Variants in CSNK1G3 observed in about 807,000 individuals in gnomAD.
The protein encoded by CSNK1G3 is casein kinase I isoform gamma-3.
Under a neutral mutation model 64.3 loss-of-function variants are expected in CSNK1G3, and 23 were observed. The ratio of observed to expected loss-of-function variants is 0.36; its 90% CI spans 0.26 to 0.51. The LOEUF is 0.51. CSNK1G3 is among the 20% of genes least tolerant of loss of function. The pLI is 0.96. For missense variants in CSNK1G3, 357 were observed against 510.5 expected (o/e 0.70, Z 2.90); for synonymous variants, 158 against 162.2 (o/e 0.97, Z 0.20).
chr5:123,519,349 G>A (rs915778259), intron 1 of CSNK1G3, among the ~76,000 whole-genome samples: 165 of 152,302 alleles, frequency 1.1e-3, no homozygotes, highest in Non-Finnish European at 1.5e-4. Context: ...CACTGTGCCC[G>A]GCTGGGTCTG....
At chr5:123,591,024 G>A (rs1561588960) in intron 9 of CSNK1G3, among the ~76,000 whole-genome samples, 2 of 151,894 alleles carry the variant, frequency 1.3e-5, no homozygotes, top group Admixed American at 6.6e-5. Context: ...TTTTTATCAT[G>A]TTGATATGAA....
chr5:123,588,043 A>C, intron 6 of CSNK1G3, 25 bp from the exon 7 acceptor site: 1 of 1,429,806 alleles, frequency 7.0e-7, no homozygotes, highest in South Asian at 1.3e-5. Flanking sequence ...AGAAAAGTGA[A>C]ATTTATATTT....
At chr5:123,583,239 T>C (rs1361514379) in intron 6 of CSNK1G3, among the ~76,000 whole-genome samples, 1 of 151,898 alleles carries the variant, frequency 6.6e-6, no homozygotes, top group East Asian at 1.9e-4. Flanking sequence ...ATATTATATA[T>C]AGGTCTTGCA....
At chr5:123,616,610 T>C (rs1749497161) in exon 13 of CSNK1G3, 1 of 152,616 alleles carries the variant, frequency 6.6e-6, no homozygotes, top group African/African-American at 2.4e-5. Context: ...GTAATGCAGG[T>C]ATGTTCAGGT....
chr5:123,568,563 C>T (rs1005345801), intron 4 of CSNK1G3, among the ~76,000 whole-genome samples: 4 of 152,164 alleles, frequency 2.6e-5, no homozygotes, highest in African/African-American at 9.7e-5. Flanking sequence ...AAATGCTGAA[C>T]GACCATAGAA....
intron 10 of CSNK1G3, among the ~76,000 whole-genome samples, chr5:123,595,507 T>C (rs1793261163): frequency 6.6e-6 from 1 of 152,184 alleles, no homozygotes; most frequent in African/African-American, 2.4e-5. Flanking sequence ...TCCCATTCAT[T>C]GACTTTGCCT....
Position 123,548,812 on chromosome 5 carries a change from A to G in CSNK1G3, c.178+2971A>G, listed in dbSNP as rs1023016494. On this transcript the variant is annotated intron_variant, in intron 2 of 12. Coordinates refer to ENST00000345990, the Ensembl canonical transcript of CSNK1G3. Reference sequence around the variant, plus strand: ...CTCCTTAAGATGGGTTTACATCCTGATAAGCCCATCTTAAGTTGAAATATC... The same window carrying G: ...CTCCTTAAGATGGGTTTACATCCTGGTAAGCCCATCTTAAGTTGAAATATC... Among the ~76,000 whole-genome samples, 12 of 152,314 alleles carry G rather than the reference A, an allele frequency of 7.9e-5. 1 individual carries two copies. The East Asian group carries it at 2.3e-3, about 29-fold the overall frequency.
At chr5:123,613,294 G>T (rs1748808515) in intron 12 of CSNK1G3, among the ~76,000 whole-genome samples, 1 of 151,636 alleles carries the variant, frequency 6.6e-6, no homozygotes, top group East Asian at 1.9e-4. Context: ...TTTAGAGACA[G>T]GGTCTTGCCC....
chr5:123,524,685 T>G (rs1023862327), intron 1 of CSNK1G3, among the ~76,000 whole-genome samples: 1 of 152,154 alleles, frequency 6.6e-6, no homozygotes, highest in Admixed American at 6.5e-5. Context: ...AAACTTATAG[T>G]TATCGTATTC....
At chr5:123,585,191 G>T (rs1791084194) in intron 6 of CSNK1G3, among the ~76,000 whole-genome samples, 1 of 151,958 alleles carries the variant, frequency 6.6e-6, no homozygotes, top group Non-Finnish European at 1.5e-5. Context: ...TTTGAGAATG[G>T]TGCAAAAGCA....
At chr5:123,584,247 T>C (rs1246863980) in intron 6 of CSNK1G3, among the ~76,000 whole-genome samples, 1 of 152,188 alleles carries the variant, frequency 6.6e-6, no homozygotes, top group Non-Finnish European at 1.5e-5. Flanking sequence ...TTGTTCGTTC[T>C]TGATCTTAGG....
chr5:123,544,396 G>T (rs1273220919), intron 1 of CSNK1G3, among the ~76,000 whole-genome samples: 2 of 152,110 alleles, frequency 1.3e-5, no homozygotes, highest in Non-Finnish European at 1.5e-5. Flanking sequence ...ATATTTGGGG[G>T]TTGCTGAAAA....
rs376053698 is a variant in CSNK1G3 at position 123,552,295 on chromosome 5, G to A, written c.179-812G>A. ...TGAGTAGCTGGGATTACAGGCGTGC[G>A]CCACCATGCCTGTCTAATTTTTGTA... is the stretch of plus-strand genomic sequence containing the variant. On this transcript the variant is annotated intron_variant, in intron 2 of 12. Transcript: ENST00000345990. Among the ~76,000 whole-genome samples, 53 of 151,976 alleles carry A rather than the reference G, an allele frequency of 3.5e-4. 1 individual carries two copies. The highest frequency in any genetic ancestry group is 2.1e-3 in the South Asian group (10 of 4,796).
intron 2 of CSNK1G3, among the ~76,000 whole-genome samples, chr5:123,551,929 A>G (rs183333565): frequency 2.2e-4 from 33 of 152,254 alleles, no homozygotes; most frequent in Non-Finnish European, 4.9e-4. Flanking sequence ...ACATTAATCA[A>G]ATTATCTTCA....
chr5:123,581,091 T>A (rs1199615118), intron 6 of CSNK1G3, among the ~76,000 whole-genome samples: 1 of 151,834 alleles, frequency 6.6e-6, no homozygotes, highest in African/African-American at 2.4e-5. Context: ...CTCACACAGC[T>A]TTTTTGCAGT....
chr5:123,584,279 A>T (rs371704222), intron 6 of CSNK1G3, among the ~76,000 whole-genome samples: 1 of 152,104 alleles, frequency 6.6e-6, no homozygotes, highest in Non-Finnish European at 1.5e-5. Context: ...TCATTTAAGA[A>T]TTATGTTAGT....
chr5:123,518,548 C>T (rs1481914909), intron 1 of CSNK1G3, among the ~76,000 whole-genome samples: 1 of 152,202 alleles, frequency 6.6e-6, no homozygotes, highest in East Asian at 1.9e-4. Context: ...CTCTCTCTCT[C>T]TTTCTGTCTG....
intron 2 of CSNK1G3, among the ~76,000 whole-genome samples, chr5:123,547,295 C>A (rs1014625936): frequency 1.3e-5 from 2 of 151,972 alleles, no homozygotes; most frequent in African/African-American, 4.8e-5. Context: ...GTAAAAAGAC[C>A]AACACTATAC....
intron 1 of CSNK1G3, among the ~76,000 whole-genome samples, chr5:123,521,490 T>C (rs1778099596): frequency 6.6e-6 from 1 of 152,202 alleles, no homozygotes; most frequent in Non-Finnish European, 1.5e-5. Context: ...ATAACTAGAA[T>C]GCATATTGTG....
Sources: gnomAD v4.1 joint callset for allele counts (sites outside exome capture counted in the v4.1 genomes callset) on GRCh38, gnomAD v4.1.1 for gene constraint, MANE v1.5 for transcripts, NCBI Gene and HGNC (gene_info 2026-07-23, HGNC 2026-07-21) for gene names.